Variants in CD2AP observed in about 807,000 individuals in gnomAD.
CD2AP encodes the protein CD2-associated protein.
Under a neutral mutation model 85.1 loss-of-function variants are expected in CD2AP, and 46 were observed. The ratio of observed to expected loss-of-function variants is 0.54; its 90% CI spans 0.43 to 0.69. CD2AP has a LOEUF of 0.69. Ranked by LOEUF, CD2AP falls within the 30% of genes least tolerant of loss-of-function variation. The probability of loss-of-function intolerance (pLI) is 0.00; values close to 1 mark genes in which losing one functional copy is unlikely to be tolerated. For missense variants in CD2AP, 769 were observed against 729.5 expected (o/e 1.05, Z -0.62); for synonymous variants, 255 against 252.9 (o/e 1.01, Z -0.08).
chr6:47,609,528 A>G (rs1486449508), intron 16 of CD2AP: 3 of 356,018 alleles, frequency 8.4e-6, no homozygotes, highest in East Asian at 6.7e-5. Context: ...AAAAAAAAAA[A>G]AAAGAAAAGA....
At chr6:47,531,663 A>T (rs922885455) in intron 2 of CD2AP, among the ~76,000 whole-genome samples, 4 of 151,916 alleles carry the variant, frequency 2.6e-5, no homozygotes, top group Middle Eastern at 3.2e-3. Context: ...TTCCTGTTCC[A>T]CATTGATTTT....
At chr6:47,574,455 G>A (rs981094729) in intron 6 of CD2AP, among the ~76,000 whole-genome samples, 2 of 151,802 alleles carry the variant, frequency 1.3e-5, no homozygotes, top group South Asian at 4.2e-4. Context: ...AAATTAGAAT[G>A]CTTATTTCTT....
At chr6:47,604,488 T>G (rs1358647627) in intron 13 of CD2AP, among the ~76,000 whole-genome samples, 1 of 152,076 alleles carries the variant, frequency 6.6e-6, no homozygotes, top group Non-Finnish European at 1.5e-5. Flanking sequence ...TGTGTTTTTC[T>G]GTTTCTTTTT....
At chr6:47,500,490 G>A (rs557331093) in intron 1 of CD2AP, among the ~76,000 whole-genome samples, 1 of 152,146 alleles carries the variant, frequency 6.6e-6, no homozygotes, top group Non-Finnish European at 1.5e-5. Context: ...GTTTTCAGCT[G>A]TAAATAGAAA....
At chr6:47,533,353 C>T (rs758614765) in intron 2 of CD2AP, among the ~76,000 whole-genome samples, 5 of 151,402 alleles carry the variant, frequency 3.3e-5, no homozygotes, top group Non-Finnish European at 5.9e-5. Context: ...GGTGAGTGGT[C>T]GGGGTGGGGT....
At position 47,574,082 on chromosome 6, in the gene CD2AP, C is replaced by T. The variant is rs864622037; in HGVS notation, c.560C>T (p.Pro187Leu). ...QDDSETVLAGPTSPIPSLGNV... is the reference protein window; with the variant it reads ...QDDSETVLAGLTSPIPSLGNV... ...GTTTCAGAAACTGTTTTGGCTGGGC[C>T]TACTTCACCTATACCTTCTCTGGGA... The change falls in exon 6 of 18, where the codon CCT (proline) becomes CTT (leucine). Residue 187 changes from proline to leucine, a missense_variant. Physicochemically the swap from Pro to Leu is moderately conservative, Grantham distance 98. Coordinates refer to ENST00000359314, the MANE Select transcript of CD2AP (RefSeq NM_012120.3). The T allele has an allele frequency of 2.5e-6, 4 of 1,613,980 alleles. No homozygotes were observed. Among genetic ancestry groups the T allele is most frequent in the Non-Finnish European group, 3.4e-6 (4 of 1,179,922 alleles).
intron 17 of CD2AP, 62 bp downstream of exon 17, chr6:47,612,598 C>T: frequency 1.8e-6 from 2 of 1,135,910 alleles, no homozygotes; most frequent in South Asian, 2.5e-5. Context: ...TTTTTCCCAA[C>T]CCAACTGGGT....
chr6:47,616,407 T>C (rs371719248), intron 17 of CD2AP, among the ~76,000 whole-genome samples: 41 of 152,280 alleles, frequency 2.7e-4, no homozygotes, highest in African/African-American at 9.9e-4. Context: ...AAGATGTTTT[T>C]AACAGAAGCA....
Position 47,554,712 on chromosome 6 carries a change from A to G in CD2AP, c.487A>G (p.Lys163Glu). 4 of 1,613,726 alleles carry G rather than the reference A, an allele frequency of 2.5e-6. No homozygotes were observed. Among genetic ancestry groups the G allele is most frequent in the Non-Finnish European group, 2.5e-6 (3 of 1,179,750 alleles). ...GGGACTGTTTCCCTCAAATTTTGTGAAAGAATTAGAGGTAACAGATGATGG... is the reference window on the plus strand; with the variant it reads ...GGGACTGTTTCCCTCAAATTTTGTGGAAGAATTAGAGGTAACAGATGATGG... ...KLGLFPSNFV[K>E]ELEVTDDGET... is the part of the protein sequence containing the mutation. Residue 163 changes from lysine (K) to glutamate (E), a missense_variant, in exon 5 of 18, where the codon AAA becomes GAA. Lys to Glu is a moderately conservative substitution (Grantham distance 56). Transcript: ENST00000359314.
Position 47,533,768 on chromosome 6 carries a change from T to C in CD2AP, c.319+13T>C, listed in dbSNP as rs146965123. The C allele has an allele frequency of 6.2e-7, 1 of 1,612,714 alleles. No individual in the cohort carries two copies. Among genetic ancestry groups the C allele is most frequent in the East Asian group, 2.2e-5 (1 of 44,818 alleles). On this transcript the variant is annotated intron_variant, in intron 3 of 17. Transcript: ENST00000359314. ...AACATTAAGAAGAGTATGTAAATAA[T>C]TCCTTTCCTGCATAATTACATCAAA...
rs1469452694 is a variant in CD2AP, at chr6:47,626,666, A to G, written c.*2439A>G. 1.3e-5 allele frequency: 2 copies of G among 152,482 alleles called. No homozygotes were observed. The allele number at this position is 152,482 out of a possible 1,614,324, so 9.4% of individuals were successfully genotyped here. A position where few individuals can be genotyped will look rare whatever the true frequency, so the allele number is the denominator to read the frequency against. On this transcript the variant is annotated 3_prime_UTR_variant, in exon 18 of 18. Coordinates refer to ENST00000359314, the MANE Select transcript of CD2AP (RefSeq NM_012120.3). Reference sequence around the variant, plus strand: ...AGAATTTAAGTCTGAAGATGTAAAGAGAGAACAGGCCTTGTGTAACAGAAG... The same window carrying G: ...AGAATTTAAGTCTGAAGATGTAAAGGGAGAACAGGCCTTGTGTAACAGAAG...
intron 12 of CD2AP, among the ~76,000 whole-genome samples, chr6:47,597,377 A>C (rs962165487): frequency 6.6e-6 from 1 of 150,570 alleles, no homozygotes; most frequent in African/African-American, 2.4e-5. Context: ...AGGGCTGCAT[A>C]TGATGATGTT....
intron 1 of CD2AP, among the ~76,000 whole-genome samples, chr6:47,491,797 C>A (rs892706157): frequency 6.6e-6 from 1 of 151,750 alleles, no homozygotes; most frequent in African/African-American, 2.4e-5. Flanking sequence ...TTCAGATATC[C>A]TTTTTGTTTA....
intron 1 of CD2AP, among the ~76,000 whole-genome samples, chr6:47,500,544 A>C (rs542890568): frequency 6.6e-6 from 1 of 152,334 alleles, no homozygotes; most frequent in African/African-American, 2.4e-5. Context: ...TACTTCATGT[A>C]ACGAATCTGA....
chr6:47,615,510 C>G (rs1769552526), intron 17 of CD2AP, among the ~76,000 whole-genome samples: 1 of 152,092 alleles, frequency 6.6e-6, no homozygotes, highest in South Asian at 2.1e-4. Context: ...TAGGAGCACA[C>G]AGTTCATGTG....
intron 3 of CD2AP, among the ~76,000 whole-genome samples, chr6:47,534,753 A>G (rs1319194951): frequency 6.6e-6 from 1 of 152,170 alleles, no homozygotes; most frequent in East Asian, 1.9e-4. Context: ...GGGAGCACAT[A>G]GCAAATGTTT....
At chr6:47,566,205 C>T (rs1420223455) in intron 5 of CD2AP, among the ~76,000 whole-genome samples, 1 of 151,170 alleles carries the variant, frequency 6.6e-6, no homozygotes, top group African/African-American at 2.4e-5. Context: ...CCCCATTATC[C>T]ACTTTTTAAT....
intron 8 of CD2AP, 52 bp downstream of exon 8, chr6:47,577,155 T>A (rs1268022504): frequency 1.0e-6 from 1 of 987,370 alleles, no homozygotes. Flanking sequence ...ATAGAAATAT[T>A]TTTCAAAAGT....
rs564805237 is a variant in CD2AP at position 47,515,694 on chromosome 6, A to C, written c.165+12254A>C. 9.2e-5 allele frequency among the ~76,000 whole-genome samples: 14 copies of C among 152,310 alleles called. No individual in the cohort carries two copies. The East Asian group carries it at 2.5e-3, about 27-fold the overall frequency. On this transcript the variant is annotated intron_variant, in intron 2 of 17. Coordinates refer to ENST00000359314, the MANE Select transcript of CD2AP (RefSeq NM_012120.3). ...TGAGGCTGTTGGGGCAAGTGATATA[A>C]ATCCTAGTCATTGAAATTTTCCAGT... is the stretch of plus-strand genomic sequence containing the variant.
Sources: gnomAD v4.1 joint callset for allele counts (sites outside exome capture counted in the v4.1 genomes callset) on GRCh38, gnomAD v4.1.1 for gene constraint, MANE v1.5 for transcripts, NCBI Gene and HGNC (gene_info 2026-07-23, HGNC 2026-07-21) for gene names.